Variants in RELCH observed in about 807,000 individuals in gnomAD.
RELCH encodes the protein RAB11-binding protein RELCH.
In RELCH, 41 loss-of-function variants were observed where a neutral mutation model predicts 150.3. The ratio of observed to expected loss-of-function variants is 0.27; its 90% CI spans 0.21 to 0.35. The LOEUF (loss-of-function observed/expected upper bound fraction) is 0.35, where lower values mean the gene tolerates loss of function less well. Among genes scored for constraint, RELCH ranks in the 10% least tolerant of loss-of-function variants. The probability of loss-of-function intolerance (pLI) is 1.00; values close to 1 mark genes in which losing one functional copy is unlikely to be tolerated. For missense variants in RELCH, 1,092 were observed against 1,467.8 expected, an observed-to-expected ratio of 0.74 and a Z score of 4.18; for synonymous variants, 478 against 531.8, an observed-to-expected ratio of 0.90 and a Z score of 1.39.
chr18:62,187,630 G>T lies in RELCH; in HGVS notation c.125G>T (p.Gly42Val). 1.3e-6 allele frequency: 2 copies of T among 1,538,050 alleles called. No individual in the cohort carries two copies. The highest frequency in any genetic ancestry group is 1.2e-5 in the South Asian group (1 of 80,770). ...GAACGGCGGGCAGTACTTCGGCTGGGCGCCGGAAGTGGCCTAGATCCTGGC... is the reference window on the plus strand; with the variant it reads ...GAACGGCGGGCAGTACTTCGGCTGGTCGCCGGAAGTGGCCTAGATCCTGGC... ...TEERRAVLRL[G>V]AGSGLDPGSA... is the part of the protein sequence containing the mutation. The change falls in exon 1 of 29, where the codon GGC becomes GTC. Residue 42 changes from glycine (G) to valine (V), a missense_variant. Coordinates refer to ENST00000644646, the MANE Select transcript of RELCH (RefSeq NM_001346231.2).
chr18:62,243,694 C>T (rs533184585), intron 10 of RELCH, among the ~76,000 whole-genome samples: 4 of 152,104 alleles, frequency 2.6e-5, no homozygotes, highest in Non-Finnish European at 5.9e-5. Flanking sequence ...TGTGAAAATA[C>T]TTCAACAGTG....
chr18:62,206,899 C>T (rs540254814), intron 1 of RELCH, among the ~76,000 whole-genome samples: 1 of 150,918 alleles, frequency 6.6e-6, no homozygotes, highest in Non-Finnish European at 1.5e-5. Context: ...TTGTTCTTTC[C>T]TTCTGCCTTT....
In RELCH at chr18:62,307,532, TATC is replaced by T. The variant is rs1351079414; in HGVS notation, c.*2001_*2003del. Reference sequence around the variant, plus strand: ...GAGTCTCTTTTCTTAAATATTTTAATATCATTAAGATTTCACATTGTGGTTTTG... The same window carrying T: ...GAGTCTCTTTTCTTAAATATTTTAATATTAAGATTTCACATTGTGGTTTTG... On this transcript the variant is annotated 3_prime_UTR_variant, in exon 29 of 29. Coordinates refer to ENST00000644646, the MANE Select transcript of RELCH (RefSeq NM_001346231.2). 6.6e-6 allele frequency: 1 copy of T among 152,154 alleles called. No individual in the cohort carries two copies. Among genetic ancestry groups the T allele is most frequent in the Non-Finnish European group, 1.5e-5 (1 of 67,990 alleles). 9.4% of individuals were successfully genotyped at this position (152,154 alleles called of 1,614,324 possible).
At chr18:62,281,641 T>C (rs1354467392) in intron 24 of RELCH, among the ~76,000 whole-genome samples, 1 of 152,230 alleles carries the variant, frequency 6.6e-6, no homozygotes, top group Non-Finnish European at 1.5e-5. Context: ...GAAAAAACCC[T>C]GTAGATTAGC....
At chr18:62,237,554 A>G (rs1599984665) in intron 10 of RELCH, among the ~76,000 whole-genome samples, 2 of 151,772 alleles carry the variant, frequency 1.3e-5, no homozygotes, top group East Asian at 3.9e-4. Flanking sequence ...TTTACTTTTT[A>G]TATCATGATA....
At chr18:62,272,704 T>G (rs1242199630) in intron 20 of RELCH, among the ~76,000 whole-genome samples, 1 of 152,040 alleles carries the variant, frequency 6.6e-6, no homozygotes. Flanking sequence ...GTATTACTTG[T>G]TTTGAGAGTC....
intron 16 of RELCH, among the ~76,000 whole-genome samples, chr18:62,263,058 C>A (rs964034685): frequency 6.6e-6 from 1 of 151,990 alleles, no homozygotes; most frequent in East Asian, 1.9e-4. Flanking sequence ...CAGATTTTCC[C>A]TTCTTATAAG....
chr18:62,279,480 C>T (rs1378179748), intron 22 of RELCH, among the ~76,000 whole-genome samples: 2 of 152,148 alleles, frequency 1.3e-5, no homozygotes. Context: ...TTTTCAGTTG[C>T]ATTTTGATGG....
chr18:62,259,466 G>A (rs935177520), intron 15 of RELCH, among the ~76,000 whole-genome samples: 1 of 151,504 alleles, frequency 6.6e-6, no homozygotes, highest in African/African-American at 2.4e-5. Flanking sequence ...ATAAAACACT[G>A]ATGAAAGAAA....
At chr18:62,227,722 C>G in intron 7 of RELCH, 33 bp downstream of exon 7, 3 of 1,130,428 alleles carry the variant, frequency 2.7e-6, no homozygotes, top group South Asian at 1.6e-5. Flanking sequence ...TAAAAATCCT[C>G]TTAAGGTGTT....
intron 2 of RELCH, among the ~76,000 whole-genome samples, chr18:62,215,656 G>A (rs2040434594): frequency 6.6e-6 from 1 of 152,020 alleles, no homozygotes; most frequent in South Asian, 2.1e-4. Flanking sequence ...GTCATTTTTA[G>A]GTTTATAGTT....
In RELCH at chr18:62,225,502, A is replaced by G. The variant is rs149273750; in HGVS notation, c.859-1787A>G. 2.1e-3 allele frequency among the ~76,000 whole-genome samples: 317 copies of G among 152,108 alleles called. 4 individuals are homozygous for G. Among genetic ancestry groups the G allele is most frequent in the African/African-American group, 7.4e-3 (307 of 41,556 alleles). ...AAACTTAATAATAGAAAATTAATCTATTTTTTAAAAGAATGCACAAAAATT... is the reference window on the plus strand; with the variant it reads ...AAACTTAATAATAGAAAATTAATCTGTTTTTTAAAAGAATGCACAAAAATT... On this transcript the variant is annotated intron_variant, in intron 5 of 28. Transcript: ENST00000644646.
At position 62,187,280 on chromosome 18, in the gene RELCH, A is replaced by G; in HGVS notation, c.-226A>G. Reference sequence around the variant, plus strand: ...AGTTCTCGCGAGACTGGAGACCAGGAAGACGCCTGCAGAGCCGGGCTGCTG... The same window carrying G: ...AGTTCTCGCGAGACTGGAGACCAGGGAGACGCCTGCAGAGCCGGGCTGCTG... On this transcript the variant is annotated 5_prime_UTR_variant, in exon 1 of 29. Transcript: ENST00000644646. The G allele has an allele frequency of 2.7e-6, 1 of 363,816 alleles. No homozygotes were observed. The highest frequency in any genetic ancestry group is 4.1e-5 in the East Asian group (1 of 24,470). The allele number at this position is 363,816 out of a possible 1,614,324, so 22.5% of individuals were successfully genotyped here. A position where few individuals can be genotyped will look rare whatever the true frequency, so the allele number is the denominator to read the frequency against.
chr18:62,231,737 C>G (rs2041593060), intron 9 of RELCH, among the ~76,000 whole-genome samples: 1 of 151,828 alleles, frequency 6.6e-6, no homozygotes, highest in Non-Finnish European at 1.5e-5. Context: ...TTTATTATTA[C>G]TGTTTTTTCT....
At chr18:62,268,731 CAT>C in intron 19 of RELCH, 136 bp from the exon 20 acceptor site, 1 of 434,636 alleles carries the variant, frequency 2.3e-6, no homozygotes, top group Non-Finnish European at 4.1e-6. Flanking sequence ...CACCAATAAA[CAT>C]ATGTTTTCCA....
chr18:62,240,806 C>T (rs985250543), intron 10 of RELCH, among the ~76,000 whole-genome samples: 19 of 152,110 alleles, frequency 1.2e-4, no homozygotes, highest in Admixed American at 7.2e-4. Flanking sequence ...TTTCCTATTG[C>T]TTAAAATATG....
chr18:62,221,336 A>T, intron 4 of RELCH, 48 bp from the exon 5 acceptor site: 3 of 1,533,478 alleles, frequency 2.0e-6, no homozygotes, highest in Non-Finnish European at 2.7e-6. Context: ...ATAAATATTG[A>T]AGGAGGAATA....
At chr18:62,253,828 C>G (rs2042855600) in intron 12 of RELCH, among the ~76,000 whole-genome samples, 1 of 152,090 alleles carries the variant, frequency 6.6e-6, no homozygotes, top group Admixed American at 6.6e-5. Flanking sequence ...CACTTGGAGT[C>G]AAAATAACTT....
intron 1 of RELCH, among the ~76,000 whole-genome samples, chr18:62,208,340 A>C (rs1195913471): frequency 1.4e-5 from 2 of 146,244 alleles, no homozygotes; most frequent in African/African-American, 5.1e-5. Flanking sequence ...CACTTTCTTC[A>C]TGGTGACTTT....
Sources: gnomAD v4.1 joint callset for allele counts (sites outside exome capture counted in the v4.1 genomes callset) on GRCh38, gnomAD v4.1.1 for gene constraint, MANE v1.5 for transcripts, NCBI Gene and HGNC (gene_info 2026-07-23, HGNC 2026-07-21) for gene names.